The following SGK1 variants were observed in gnomAD, a reference collection of about 807,000 sequenced individuals.
SGK1 encodes serum/glucocorticoid regulated kinase 1.
In SGK1, 26 loss-of-function variants were observed where a neutral mutation model predicts 64.2. The ratio of observed to expected loss-of-function variants is 0.40; its 90% confidence interval spans 0.30 to 0.56. The LOEUF is 0.56. Ranked by LOEUF, SGK1 falls within the 20% of genes least tolerant of loss-of-function variation. The pLI is 0.38. For missense variants in SGK1, 519 were observed against 645.6 expected, an observed-to-expected ratio of 0.80 and a Z score of 2.12; for synonymous variants, 265 against 239.7, an observed-to-expected ratio of 1.11 and a Z score of -0.98.
intron 2 of SGK1, among the ~76,000 whole-genome samples, chr6:134,226,685 C>A (rs564135824): frequency 3.3e-5 from 5 of 150,274 alleles, no homozygotes; most frequent in South Asian, 2.1e-4. Context: ...CAGAGTGAGA[C>A]CCTGTCTCAA....
Position 134,282,055 on chromosome 6 carries a change from T to G in SGK1, c.70-19907A>C, listed in dbSNP as rs138561204. Among the ~76,000 whole-genome samples, 893 of 152,286 alleles carry G rather than the reference T, an allele frequency of 5.9e-3. 11 individuals are homozygous for G. Among genetic ancestry groups the G allele is most frequent in the African/African-American group, 0.02 (827 of 41,570 alleles). ...ATGTATAATCCATTCTCTGGACTAC[T>G]TGGGTAGGTTATATCAGTAGAAGCA... On this transcript the variant is annotated intron_variant, in intron 1 of 13. Transcript: ENST00000367858.
chr6:134,174,217 G>GT lies in SGK1; in HGVS notation c.438-138dup, dbSNP rs1775134379. ...AAACTGAAAATACCCCAATACATTA[G>GT]TCAGTTAAAGAAAATAATAAACCCC... On this transcript the variant is annotated intron_variant, in intron 4 of 13. Transcript: ENST00000367858. The GT allele has an allele frequency of 1.1e-5, 7 of 638,674 alleles. No individual in the cohort carries two copies. In the East Asian group the frequency reaches 1.9e-4, roughly 17 times the overall value. The allele number at this position is 638,674 out of a possible 1,614,324, so 39.6% of individuals were successfully genotyped here.
chr6:134,297,053 C>G, intron 1 of SGK1: 1 of 459,654 alleles, frequency 2.2e-6, no homozygotes, highest in African/African-American at 2.0e-5. Context: ...GGGTCTCGAT[C>G]TTCTTCACAA....
At position 134,228,613 on chromosome 6, in the gene SGK1, C is replaced by T. The variant is rs544978883; in HGVS notation, c.286-21182G>A. Among the ~76,000 whole-genome samples the T allele has an allele frequency of 3.3e-5, 5 of 152,204 alleles. No individual in the cohort carries two copies. In the East Asian group the frequency reaches 5.8e-4, roughly 18 times the overall value. On this transcript the variant is annotated intron_variant, in intron 2 of 13. Transcript: ENST00000367858. The stretch of plus-strand genomic sequence containing the variant: ...AGCATAACAGTATAGGAATATTGGC[C>T]ATAGTAGTCGATCAGTGGAGACTTG...
chr6:134,188,914 T>TC (rs1374912993), intron 3 of SGK1, among the ~76,000 whole-genome samples: 1 of 146,048 alleles, frequency 6.8e-6, no homozygotes, highest in African/African-American at 2.5e-5. Context: ...TTTTCTTTTT[T>TC]TTTTTTTTTT....
intron 1 of SGK1, among the ~76,000 whole-genome samples, chr6:134,268,497 C>T (rs575806239): frequency 6.6e-6 from 1 of 151,600 alleles, no homozygotes; most frequent in Non-Finnish European, 1.5e-5. Context: ...AGGAGGCGGG[C>T]GGATCACGAG....
At chr6:134,297,132 G>A (rs1777366401) in intron 1 of SGK1, 9 of 566,232 alleles carry the variant, frequency 1.6e-5, no homozygotes, top group South Asian at 9.3e-5. Flanking sequence ...GCTGGGACTT[G>A]TGAGGCCCCC....
At chr6:134,269,122 C>T (rs1271756271) in intron 1 of SGK1, among the ~76,000 whole-genome samples, 2 of 147,124 alleles carry the variant, frequency 1.4e-5, no homozygotes, top group Non-Finnish European at 3.0e-5. Flanking sequence ...ATGATATCAA[C>T]CGATACAGGA....
intron 2 of SGK1, among the ~76,000 whole-genome samples, chr6:134,236,498 G>A (rs1236731534): frequency 7.9e-5 from 12 of 151,988 alleles, no homozygotes; most frequent in East Asian, 1.9e-4. Flanking sequence ...ATGGTGACAC[G>A]TGCCTGTAGC....
chr6:134,228,017 C>T (rs950602886), intron 2 of SGK1, among the ~76,000 whole-genome samples: 23 of 131,120 alleles, frequency 1.8e-4, no homozygotes, highest in African/African-American at 6.1e-4. Flanking sequence ...TGCAGTGGCA[C>T]GATCTCAGCT....
chr6:134,288,674 C>G (rs900765571), intron 1 of SGK1, among the ~76,000 whole-genome samples: 3 of 151,448 alleles, frequency 2.0e-5, no homozygotes, highest in Non-Finnish European at 4.4e-5. Flanking sequence ...CAAAACAATT[C>G]ATAAAATTAC....
intron 1 of SGK1, among the ~76,000 whole-genome samples, chr6:134,294,524 T>G (rs1777311511): frequency 6.6e-6 from 1 of 152,186 alleles, no homozygotes; most frequent in African/African-American, 2.4e-5. Context: ...ATTTTACTTA[T>G]AAATTTGTGT....
At chr6:134,173,840 T>A in intron 5 of SGK1, 165 bp downstream of exon 5, 2 of 613,326 alleles carry the variant, frequency 3.3e-6, no homozygotes, top group East Asian at 5.7e-5. Context: ...AATAAAATAA[T>A]ACTCTGACTC....
At chr6:134,223,322 C>T (rs560244889) in intron 2 of SGK1, among the ~76,000 whole-genome samples, 2 of 149,964 alleles carry the variant, frequency 1.3e-5, no homozygotes, top group African/African-American at 4.9e-5. Flanking sequence ...GAGCCGAGAT[C>T]GTGCCATTGC....
intron 1 of SGK1, among the ~76,000 whole-genome samples, chr6:134,282,014 C>T (rs973820313): frequency 1.3e-5 from 2 of 152,164 alleles, no homozygotes; most frequent in African/African-American, 4.8e-5. Flanking sequence ...TAAATTCCCT[C>T]TAAGCCTTAT....
chr6:134,224,765 G>A (rs1776142386), intron 2 of SGK1, among the ~76,000 whole-genome samples: 1 of 152,060 alleles, frequency 6.6e-6, no homozygotes, highest in Admixed American at 6.6e-5. Flanking sequence ...TCTCACGCCT[G>A]TAATCCCAGC....
At chr6:134,194,000 C>T (rs1265534987) in intron 3 of SGK1, among the ~76,000 whole-genome samples, 5 of 151,832 alleles carry the variant, frequency 3.3e-5, no homozygotes, top group Admixed American at 1.3e-4. Context: ...CACACTCACA[C>T]TCACACCCAC....
At chr6:134,175,832 C>A in intron 3 of SGK1, 1 of 1,246,346 alleles carries the variant, frequency 8.0e-7, no homozygotes, top group Non-Finnish European at 1.0e-6. Context: ...CTTTTTTGTG[C>A]TTTTGGCCAA....
Position 134,270,763 on chromosome 6 carries a change from C to A in SGK1, c.70-8615G>T, listed in dbSNP as rs113568211. On this transcript the variant is annotated intron_variant, in intron 1 of 13. Transcript: ENST00000367858. ...GAAGTGGGAAAACGGAGACGCAATG[C>A]GTCCATGTACCCTATTTAATGTTGC... 1.6e-3 allele frequency among the ~76,000 whole-genome samples: 239 copies of A among 148,108 alleles called. 11 individuals are homozygous for A. The highest frequency in any genetic ancestry group is 5.3e-3 in the African/African-American group (220 of 41,222).
Sources: gnomAD v4.1 joint callset for allele counts (sites outside exome capture counted in the v4.1 genomes callset) on GRCh38, gnomAD v4.1.1 for gene constraint, MANE v1.5 for transcripts, NCBI Gene and HGNC (gene_info 2026-07-23, HGNC 2026-07-21) for gene names.